NREP: variants seen among roughly 807,000 people sequenced by gnomAD.
The protein encoded by NREP is neuronal regeneration related protein.
NREP carries 5 observed loss-of-function variants against 8.6 expected under a neutral mutation model. That is an observed-to-expected ratio of 0.58 (90% CI 0.30 to 1.22). The LOEUF (loss-of-function observed/expected upper bound fraction) is 1.22, where lower values mean the gene tolerates loss of function less well. NREP is among the 50% of genes most tolerant of loss of function. The pLI is 0.07. For synonymous variants in NREP, 27 were observed against 28.0 expected, an observed-to-expected ratio of 0.96 and a Z score of 0.11; for missense variants, 86 against 82.5, an observed-to-expected ratio of 1.04 and a Z score of -0.17.
At position 111,730,943 on chromosome 5, in the gene NREP, A is replaced by C. The variant is rs772744888; in HGVS notation, c.185T>G (p.Ile62Ser). 2.5e-6 allele frequency: 4 copies of C among 1,613,798 alleles called. No individual in the cohort carries two copies. In the Admixed American group the frequency reaches 5.0e-5, roughly 20 times the overall value. The change falls in exon 4 of 4, where the codon ATC becomes AGC. Residue 62 changes from isoleucine to serine, a missense_variant. Transcript: ENST00000257435. Reference protein sequence around the residue: ...LGSSELRSPRISYLHFF With the variant: ...LGSSELRSPRSSYLHFF ...CGATTAAAAAAAGTGGAGGTAACTG[A>C]TTCTTGGGGAGCGGAGTTCACTGCT...
intron 2 of NREP, among the ~76,000 whole-genome samples, chr5:111,883,787 C>T (rs1275496768): frequency 2.6e-5 from 4 of 151,938 alleles, no homozygotes. Context: ...AGAACAAAGA[C>T]ACAACATACC....
At chr5:111,878,934 A>T (rs1331835521) in intron 2 of NREP, among the ~76,000 whole-genome samples, 1 of 152,238 alleles carries the variant, frequency 6.6e-6, no homozygotes, top group Non-Finnish European at 1.5e-5. Context: ...TATGTGCCAG[A>T]CACTGTTTGA....
rs1296774707 is a variant in NREP at position 111,823,941 on chromosome 5, G to GT, written c.136-88435dup. Among the ~76,000 whole-genome samples, 3 of 152,198 alleles carry GT rather than the reference G, an allele frequency of 2.0e-5. No individual in the cohort carries two copies. The East Asian group carries it at 5.8e-4, about 29-fold the overall frequency. On this transcript the variant is annotated intron_variant, in intron 2 of 3. Transcript: ENST00000395634. ...TACAAGTTTAGTTTTAGTGTAGCAT[G>GT]TATCTAAGTACATAAATACATGCAT...
At chr5:111,734,489 A>G in intron 3 of NREP, 2 of 384,584 alleles carry the variant, frequency 5.2e-6, no homozygotes, top group Non-Finnish European at 9.3e-6. Flanking sequence ...TGACCTTCAA[A>G]AATGCTCTGC....
chr5:111,835,289 A>G (rs878921537), intron 2 of NREP, among the ~76,000 whole-genome samples: 2 of 152,112 alleles, frequency 1.3e-5, no homozygotes, highest in Non-Finnish European at 2.9e-5. Flanking sequence ...TAATTTGTTC[A>G]TTCATTTGTC....
chr5:111,770,037 G>A (rs1033105895), intron 2 of NREP, among the ~76,000 whole-genome samples: 2 of 152,218 alleles, frequency 1.3e-5, no homozygotes, highest in Non-Finnish European at 2.9e-5. Flanking sequence ...TTGAGATAAT[G>A]TGACTGGACT....
intron 2 of NREP, among the ~76,000 whole-genome samples, chr5:111,773,154 T>A (rs1366387935): frequency 6.6e-6 from 1 of 152,114 alleles, no homozygotes; most frequent in African/African-American, 2.4e-5. Flanking sequence ...AATTTTTTTT[T>A]AAACTACTGT....
At chr5:111,930,555 T>G (rs1177708242) in intron 2 of NREP, among the ~76,000 whole-genome samples, 3 of 152,130 alleles carry the variant, frequency 2.0e-5, no homozygotes, top group Non-Finnish European at 4.4e-5. Flanking sequence ...AGTGTAAGCT[T>G]TTATACTCTA....
rs1349092256 is a variant in NREP at position 111,917,418 on chromosome 5, T to A, written c.135+57856A>T. On this transcript the variant is annotated intron_variant, in intron 2 of 3. Coordinates refer to the NREP transcript ENST00000395634. Reference sequence around the variant, plus strand: ...AGACACACAACAAAAAAAGAAAATTTCAGGCCAATATCCCTGCTGAACACC... The same window carrying A: ...AGACACACAACAAAAAAAGAAAATTACAGGCCAATATCCCTGCTGAACACC... Among the ~76,000 whole-genome samples the A allele has an allele frequency of 2.6e-5, 4 of 152,206 alleles. No homozygotes were observed. The East Asian group carries it at 5.8e-4, about 22-fold the overall frequency.
chr5:111,890,566 C>A (rs535507404), intron 2 of NREP, among the ~76,000 whole-genome samples: 1 of 152,320 alleles, frequency 6.6e-6, no homozygotes, highest in East Asian at 1.9e-4. Context: ...TCTGCCTGGG[C>A]ACCCTGGCTT....
At chr5:111,768,615 T>C (rs1044019210) in intron 2 of NREP, among the ~76,000 whole-genome samples, 2 of 152,232 alleles carry the variant, frequency 1.3e-5, no homozygotes, top group Non-Finnish European at 2.9e-5. Context: ...GAAGGTGTCG[T>C]ATTTGAATCT....
chr5:111,861,974 A>G (rs1433367188), intron 2 of NREP, among the ~76,000 whole-genome samples: 2 of 152,208 alleles, frequency 1.3e-5, no homozygotes, highest in Non-Finnish European at 2.9e-5. Flanking sequence ...CCTTTTTAAC[A>G]TAATGACTAT....
chr5:111,956,376 C>A (rs993241125), intron 2 of NREP, among the ~76,000 whole-genome samples: 2 of 151,388 alleles, frequency 1.3e-5, no homozygotes, highest in Admixed American at 6.6e-5. Context: ...TTTTATGAAA[C>A]CGACAGAGTT....
intron 2 of NREP, among the ~76,000 whole-genome samples, chr5:111,867,008 AG>A: frequency 7.0e-6 from 1 of 143,048 alleles, no homozygotes; most frequent in African/African-American, 2.7e-5. Context: ...GGTGGGGGGA[AG>A]GGGGAGGGAT....
rs539587584 is a variant in NREP at position 111,916,397 on chromosome 5, T to TATCACTGAC, written c.135+58868_135+58876dup. Reference sequence around the variant, plus strand: ...CCAGCCCACCCTGGACCCCAGTCACTATCACTGACATCACTGCCATTGCTG... The same window carrying TATCACTGAC: ...CCAGCCCACCCTGGACCCCAGTCACTATCACTGACATCACTGACATCACTGCCATTGCTG... On this transcript the variant is annotated intron_variant, in intron 2 of 3. Coordinates refer to the NREP transcript ENST00000395634. 4.3e-3 allele frequency among the ~76,000 whole-genome samples: 656 copies of TATCACTGAC among 152,150 alleles called. 9 individuals carry two copies. Among genetic ancestry groups the TATCACTGAC allele is most frequent in the African/African-American group, 0.015 (626 of 41,532 alleles).
chr5:111,802,293 A>C (rs1454909351), intron 2 of NREP, among the ~76,000 whole-genome samples: 1 of 151,952 alleles, frequency 6.6e-6, no homozygotes, highest in East Asian at 1.9e-4. Flanking sequence ...GAAGGTGTCA[A>C]ATACACTGTT....
intron 2 of NREP, among the ~76,000 whole-genome samples, chr5:111,780,600 G>T (rs1390430677): frequency 6.6e-6 from 1 of 152,142 alleles, no homozygotes; most frequent in Non-Finnish European, 1.5e-5. Context: ...ATTTCATTGT[G>T]TATGTAAATC....
chr5:111,952,144 T>C (rs1365090148), intron 2 of NREP, among the ~76,000 whole-genome samples: 1 of 152,104 alleles, frequency 6.6e-6, no homozygotes, highest in Non-Finnish European at 1.5e-5. Context: ...ACTAAGTGTT[T>C]TCCCAGAAGC....
Position 111,919,243 on chromosome 5 carries a change from T to G in NREP, c.135+56031A>C, listed in dbSNP as rs568297245. ...AGGAAACAACAGATGCTGGAGAGGA[T>G]GTGCATAAATAACTCTTTTACACTA... On this transcript the variant is annotated intron_variant, in intron 2 of 3. Transcript: ENST00000395634. Among the ~76,000 whole-genome samples, 6 of 152,242 alleles carry G rather than the reference T, an allele frequency of 3.9e-5. No individual in the cohort carries two copies. The East Asian group carries it at 9.7e-4, about 25-fold the overall frequency.
Sources: allele counts gnomAD v4.1 joint callset (sites outside exome capture counted in the v4.1 genomes callset), GRCh38; gene constraint gnomAD v4.1.1; transcripts MANE v1.5; gene names NCBI Gene and HGNC (gene_info 2026-07-23, HGNC 2026-07-21).